The following BSX variants were observed in gnomAD, a reference collection of about 807,000 sequenced individuals.
The protein encoded by BSX is brain-specific homeobox protein homolog.
BSX carries 12 observed loss-of-function variants against 16.9 expected under a neutral mutation model. That is an observed-to-expected ratio of 0.71 (90% CI 0.46 to 1.15). The LOEUF is 1.15. Among genes scored for constraint, BSX ranks in the 50% most tolerant of loss-of-function variants. The pLI, the probability that BSX is intolerant of heterozygous loss-of-function variation, is 0.00. For missense variants in BSX, 292 were observed against 311.8 expected (o/e 0.94, Z 0.48); for synonymous variants, 160 against 136.4 (o/e 1.17, Z -1.20).
At chr11:122,981,037 C>T (rs1864561849) in intron 1 of BSX, among the ~76,000 whole-genome samples, 1 of 152,086 alleles carries the variant, frequency 6.6e-6, no homozygotes, top group Non-Finnish European at 1.5e-5. Context: ...CAAGGGTCTC[C>T]CTCTGAGTGG....
chr11:122,978,432 A>G (rs1054965975), intron 2 of BSX, among the ~76,000 whole-genome samples: 48 of 152,162 alleles, frequency 3.2e-4, no homozygotes, highest in Non-Finnish European at 5.6e-4. Flanking sequence ...TCCACTCAGG[A>G]CAGGGGAACA....
Position 122,977,639 on chromosome 11 carries a change from G to T in BSX, c.*10C>A, listed in dbSNP as rs1328241344. On this transcript the variant is annotated 3_prime_UTR_variant, in exon 3 of 3. Coordinates refer to ENST00000343035, the MANE Select transcript of BSX (RefSeq NM_001098169.2). The surrounding 1 kb of genome is among the most constrained non-coding windows in gnomAD (Gnocchi z 4.5). The stretch of plus-strand genomic sequence containing the variant: ...CCTCCCCTGCCTACTACCCTCCCCA[G>T]CCTGGCGGCTCAGAGCACGTGCGGC... The T allele has an allele frequency of 2.5e-6, 4 of 1,604,972 alleles. No individual in the cohort carries two copies. The highest frequency in any genetic ancestry group is 2.5e-6 in the Non-Finnish European group (3 of 1,179,458).
In BSX at chr11:122,977,781, G is replaced by T; in HGVS notation, c.570C>A (p.Arg190=). The change falls in exon 3 of 3, where the codon CGC becomes CGA. Residue 190 remains arginine (R), a synonymous_variant. Coordinates refer to ENST00000343035, the MANE Select transcript of BSX (RefSeq NM_001098169.2). The surrounding 1 kb of genome is among the most constrained non-coding windows in gnomAD (Gnocchi z 4.5). ...CGGCGGCGGTGGCGGCCTCTGAACC[G>T]CGGGGGCTGCCCTCGGGGCTTTCTG... ...DGPESPEGSP[R]GSEAATAAEA... 2 of 1,613,472 alleles carry T rather than the reference G, an allele frequency of 1.2e-6. No individual in the cohort carries two copies. Among genetic ancestry groups the T allele is most frequent in the Admixed American group, 1.7e-5 (1 of 60,008 alleles).
At chr11:122,980,821 A>G (rs1161539099) in intron 1 of BSX, among the ~76,000 whole-genome samples, 2 of 152,140 alleles carry the variant, frequency 1.3e-5, no homozygotes, top group African/African-American at 4.8e-5. Context: ...GATGTTGAGG[A>G]TGCGGAGGGT....
At chr11:122,980,657 T>C (rs192669309) in intron 1 of BSX, among the ~76,000 whole-genome samples, 1 of 152,008 alleles carries the variant, frequency 6.6e-6, no homozygotes, top group Admixed American at 6.6e-5. Context: ...AAAATCGGAG[T>C]ATTTCCCCAC....
chr11:122,980,488 G>A (rs1206488882), intron 1 of BSX, among the ~76,000 whole-genome samples: 1 of 152,046 alleles, frequency 6.6e-6, no homozygotes, highest in African/African-American at 2.4e-5. Flanking sequence ...ATTCCAGCGC[G>A]CACAAACTGC....
At chr11:122,979,783 G>C (rs1472482261) in intron 1 of BSX, among the ~76,000 whole-genome samples, 1 of 152,184 alleles carries the variant, frequency 6.6e-6, no homozygotes, top group African/African-American at 2.4e-5. Flanking sequence ...AGAGACTTCC[G>C]TAGGGTCGGC....
intron 1 of BSX, 49 bp from the exon 2 acceptor site, chr11:122,979,506 G>T: frequency 6.6e-7 from 1 of 1,512,020 alleles, no homozygotes; most frequent in South Asian, 1.2e-5. Flanking sequence ...TCGCCGGAGA[G>T]CAATCTCCGC....
chr11:122,981,622 G>A lies in BSX; in HGVS notation c.50C>T (p.Pro17Leu). The part of the protein sequence containing the change: ...SPLHPASSQR[P>L]TSFFIEDILL... ...GATGTCCTCGATGAAGAAGGATGTG[G>A]GCCTCTGAGAAGACGCCGGGTGTAG... The change falls in exon 1 of 3, where the codon CCC becomes CTC. Residue 17 changes from proline to leucine, a missense_variant. By Grantham distance (98) the Pro-to-Leu change is moderately conservative. Coordinates refer to ENST00000343035, the MANE Select transcript of BSX (RefSeq NM_001098169.2). The A allele has an allele frequency of 6.3e-7, 1 of 1,598,738 alleles. No individual in the cohort carries two copies. The highest frequency in any genetic ancestry group is 8.5e-7 in the Non-Finnish European group (1 of 1,172,924).
intron 1 of BSX, among the ~76,000 whole-genome samples, chr11:122,981,014 G>T (rs909768325): frequency 2.6e-5 from 4 of 152,204 alleles, no homozygotes; most frequent in African/African-American, 9.7e-5. Flanking sequence ...TTGTGTCCAT[G>T]GGGTGGGATG....
Position 122,977,966 on chromosome 11 carries a change from G to T in BSX, c.460-75C>A. On this transcript the variant is annotated intron_variant, in intron 2 of 2. Transcript: ENST00000343035. This position sits in a 1 kb window ranked among gnomAD's most constrained non-coding sequence, Gnocchi z 4.5. ...GCCATCGCTGGGGTTTAGGAAAATG[G>T]GCTGCAGTCCGTTGATGAAGTATCC... The T allele has an allele frequency of 6.4e-7, 1 of 1,568,744 alleles. No individual in the cohort carries two copies. Among genetic ancestry groups the T allele is most frequent in the South Asian group, 1.1e-5 (1 of 89,444 alleles).
chr11:122,978,784 C>CTTTTT (rs1864529091), intron 2 of BSX, among the ~76,000 whole-genome samples: 2 of 92,900 alleles, frequency 2.2e-5, no homozygotes, highest in Non-Finnish European at 4.8e-5. Flanking sequence ...TTTTTTTTTT[C>CTTTTT]TTTTTCTTTT....
At chr11:122,981,206 G>A (rs1449311781) in intron 1 of BSX, among the ~76,000 whole-genome samples, 1 of 152,188 alleles carries the variant, frequency 6.6e-6, no homozygotes, top group Non-Finnish European at 1.5e-5. Flanking sequence ...GAGGAATCAC[G>A]AATTATCCCC....
chr11:122,980,014 A>G (rs965623219), intron 1 of BSX, among the ~76,000 whole-genome samples: 2 of 152,170 alleles, frequency 1.3e-5, no homozygotes, highest in Non-Finnish European at 2.9e-5. Context: ...AGCCAAAGGG[A>G]GAGCAAAACT....
Position 122,977,921 on chromosome 11 carries a change from T to A in BSX, c.460-30A>T, listed in dbSNP as rs931867635. On this transcript the variant is annotated intron_variant, in intron 2 of 2. Coordinates refer to ENST00000343035, the MANE Select transcript of BSX (RefSeq NM_001098169.2). This position sits in a 1 kb window ranked among gnomAD's most constrained non-coding sequence, Gnocchi z 4.5. ...TTTCGGGGAGATAAAAATAAAATCA[T>A]GTCATTCCTCCAAATCTGAGCCATC... is the stretch of plus-strand genomic sequence containing the variant. 1.2e-6 allele frequency: 2 copies of A among 1,610,630 alleles called. No homozygotes were observed. Among genetic ancestry groups the A allele is most frequent in the South Asian group, 2.2e-5 (2 of 91,034 alleles).
chr11:122,979,842 A>G (rs1864547446), intron 1 of BSX, among the ~76,000 whole-genome samples: 1 of 152,080 alleles, frequency 6.6e-6, no homozygotes, highest in Admixed American at 6.6e-5. Context: ...GCAAACGTCA[A>G]ATGGCCCAGG....
At position 122,981,817 on chromosome 11, in the gene BSX, C is replaced by T; in HGVS notation, c.-146G>A. On this transcript the variant is annotated 5_prime_UTR_variant, in exon 1 of 3. Transcript: ENST00000343035. ...TCCCGGGCCTGGGCTACCCCGGGCGCTGGAGAGGCAAGAAGACAAGCTCCT... is the reference window on the plus strand; with the variant it reads ...TCCCGGGCCTGGGCTACCCCGGGCGTTGGAGAGGCAAGAAGACAAGCTCCT... 2.4e-6 allele frequency: 2 copies of T among 829,488 alleles called. No homozygotes were observed. The highest frequency in any genetic ancestry group is 3.6e-6 in the Non-Finnish European group (2 of 552,690). The allele number at this position is 829,488 out of a possible 1,614,324, so 51.4% of individuals were successfully genotyped here.
rs550372099 is a variant in BSX at position 122,977,919 on chromosome 11, C to T, written c.460-28G>A. 6.2e-7 allele frequency: 1 copy of T among 1,610,646 alleles called. No individual in the cohort carries two copies. Among genetic ancestry groups the T allele is most frequent in the Non-Finnish European group, 8.5e-7 (1 of 1,179,806 alleles). On this transcript the variant is annotated intron_variant, in intron 2 of 2. Coordinates refer to ENST00000343035, the MANE Select transcript of BSX (RefSeq NM_001098169.2). The surrounding 1 kb of genome is among the most constrained non-coding windows in gnomAD (Gnocchi z 4.5). The stretch of plus-strand genomic sequence containing the variant: ...GATTTCGGGGAGATAAAAATAAAAT[C>T]ATGTCATTCCTCCAAATCTGAGCCA...
At chr11:122,980,487 C>T (rs771513024) in intron 1 of BSX, among the ~76,000 whole-genome samples, 1 of 152,172 alleles carries the variant, frequency 6.6e-6, no homozygotes, top group Non-Finnish European at 1.5e-5. Flanking sequence ...GATTCCAGCG[C>T]GCACAAACTG....
Sources: gnomAD v4.1 joint callset for allele counts (sites outside exome capture counted in the v4.1 genomes callset) on GRCh38, gnomAD v4.1.1 for gene constraint, Gnocchi (gnomAD v3.1) non-coding constraint, MANE v1.5 for transcripts, NCBI Gene and HGNC (gene_info 2026-07-23, HGNC 2026-07-21) for gene names.